RGL1: variants seen among roughly 807,000 people sequenced by gnomAD.
RGL1 encodes ral guanine nucleotide dissociation stimulator-like 1.
A neutral mutation model predicts 95.2 loss-of-function variants in RGL1; 24 were observed. That is an observed-to-expected ratio of 0.25 (90% confidence interval 0.18 to 0.35). The LOEUF (loss-of-function observed/expected upper bound fraction) is 0.35. RGL1 is among the 10% of genes least tolerant of loss of function. The pLI is 1.00. For synonymous variants in RGL1, 329 were observed against 344.9 expected (o/e 0.95, Z 0.51); for missense variants, 715 against 936.3 (o/e 0.76, Z 3.08).
At chr1:183,841,869 C>T (rs186558562) in intron 2 of RGL1, among the ~76,000 whole-genome samples, 3 of 152,258 alleles carry the variant, frequency 2.0e-5, no homozygotes, top group Admixed American at 1.3e-4. Context: ...AGTGCTCCAA[C>T]ATCCATGCTT....
chr1:183,897,759 A>G lies in RGL1; in HGVS notation c.1141-49A>G, dbSNP rs763290777. 14 of 1,393,322 alleles carry G rather than the reference A, an allele frequency of 1.0e-5. No homozygotes were observed. The South Asian group carries it at 1.2e-4, about 12-fold the overall frequency. The allele number at this position is 1,393,322 out of a possible 1,614,324, so 86.3% of individuals were successfully genotyped here. On this transcript the variant is annotated intron_variant, in intron 9 of 17. Coordinates refer to ENST00000360851, the MANE Select transcript of RGL1 (RefSeq NM_001297671.3). The stretch of plus-strand genomic sequence containing the variant: ...ACTAGATGCCTCTTTACTTCTTACC[A>G]TTGTGGCATCCTGTATCAATTCCCT...
rs58387012 is a variant in RGL1 at position 183,691,541 on chromosome 1, T to G, written c.-32-50585T>G. On this transcript the variant is annotated intron_variant, in intron 1 of 18. Transcript: ENST00000304685. ...GTTTATGTAATTGATAAGAGCCCAG[T>G]AATTGAGGAACAAAAAAGTTGTTAA... Among the ~76,000 whole-genome samples the G allele has an allele frequency of 5.0e-3, 759 of 152,314 alleles. 3 individuals are homozygous for G. Among genetic ancestry groups the G allele is most frequent in the African/African-American group, 0.011 (478 of 41,576 alleles).
intron 2 of RGL1, among the ~76,000 whole-genome samples, chr1:183,842,282 G>A (rs1334334130): frequency 2.6e-5 from 4 of 151,508 alleles, no homozygotes; most frequent in African/African-American, 7.3e-5. Flanking sequence ...TGCTTAACAC[G>A]TTCCCTGTTA....
chr1:183,746,593 C>T (rs1657644360), intron 2 of RGL1, among the ~76,000 whole-genome samples: 1 of 149,274 alleles, frequency 6.7e-6, no homozygotes, highest in African/African-American at 2.5e-5. Flanking sequence ...CCATGATGAA[C>T]AATGCTGATA....
chr1:183,909,071 C>T (rs1558288265), intron 14 of RGL1, among the ~76,000 whole-genome samples: 1 of 152,204 alleles, frequency 6.6e-6, no homozygotes, highest in Non-Finnish European at 1.5e-5. Flanking sequence ...GTACTCAGTA[C>T]ATCTCTTACT....
At chr1:183,836,548 G>T (rs527463464) in intron 2 of RGL1, among the ~76,000 whole-genome samples, 3 of 152,070 alleles carry the variant, frequency 2.0e-5, no homozygotes, top group Non-Finnish European at 4.4e-5. Context: ...GAATACAGGC[G>T]TGAGCCACTG....
chr1:183,797,051 C>T (rs556665714), intron 2 of RGL1, among the ~76,000 whole-genome samples: 6 of 152,224 alleles, frequency 3.9e-5, no homozygotes, highest in South Asian at 2.1e-4. Context: ...AACAATTGGC[C>T]GGGCACGGTG....
At position 183,880,719 on chromosome 1, in the gene RGL1, C is replaced by T. The variant is rs768803586; in HGVS notation, c.529C>T (p.Arg177Trp). The change falls in exon 5 of 18, where the codon CGG (arginine) becomes TGG (tryptophan). Residue 177 changes from arginine (R) to tryptophan (W), a missense_variant. By Grantham distance (101) the Arg-to-Trp change is moderately radical. Transcript: ENST00000360851. ...ACAGAAACTGCTGGATTATCTCACA[C>T]GGATGATGCCGGGCTCTGACCCAGA... ...CLQKLLDYLT[R>W]MMPGSDPERR... 18 of 1,613,808 alleles carry T rather than the reference C, an allele frequency of 1.1e-5. No homozygotes were observed. The highest frequency in any genetic ancestry group is 5.3e-5 in the African/African-American group (4 of 74,900).
intron 2 of RGL1, among the ~76,000 whole-genome samples, chr1:183,785,948 T>A (rs1201136428): frequency 6.7e-6 from 1 of 149,056 alleles, no homozygotes; most frequent in Non-Finnish European, 1.5e-5. Context: ...GATGGTGGTG[T>A]GTGCCTGTAG....
chr1:183,723,910 T>C (rs1656163473), intron 1 of RGL1, among the ~76,000 whole-genome samples: 1 of 152,046 alleles, frequency 6.6e-6, no homozygotes, highest in African/African-American at 2.4e-5. Flanking sequence ...TTCTTTCTGC[T>C]TGAAGAAAGG....
chr1:183,855,287 C>T (rs9425320), intron 3 of RGL1, among the ~76,000 whole-genome samples: 24,960 of 152,134 alleles, frequency 0.16, 2,346 homozygotes, highest in East Asian at 0.29. Flanking sequence ...CTTTTCCCCC[C>T]GGGAGCTGGT....
chr1:183,799,103 C>T (rs1300254369), intron 2 of RGL1, among the ~76,000 whole-genome samples: 1 of 151,440 alleles, frequency 6.6e-6, no homozygotes, highest in Non-Finnish European at 1.5e-5. Context: ...AGGGTTTCAC[C>T]GTGTTAGCCA....
intron 1 of RGL1, among the ~76,000 whole-genome samples, chr1:183,658,231 T>C (rs1034650490): frequency 3.3e-5 from 5 of 152,196 alleles, no homozygotes; most frequent in South Asian, 4.1e-4. Context: ...CAGTGCACCA[T>C]GCGCCAGCCG....
intron 4 of RGL1, among the ~76,000 whole-genome samples, chr1:183,879,238 AT>A (rs1666687840): frequency 1.3e-5 from 2 of 152,218 alleles, no homozygotes; most frequent in African/African-American, 2.4e-5. Flanking sequence ...ACAGTAACAC[AT>A]TTATTTTCTT....
chr1:183,832,015 C>T (rs1392050266), intron 2 of RGL1, among the ~76,000 whole-genome samples: 1 of 152,080 alleles, frequency 6.6e-6, no homozygotes, highest in African/African-American at 2.4e-5. Context: ...GCTTTAGTAG[C>T]TTGTTGGACT....
intron 1 of RGL1, among the ~76,000 whole-genome samples, chr1:183,695,005 G>GTT (rs1166629426): frequency 6.6e-6 from 1 of 152,226 alleles, no homozygotes; most frequent in Non-Finnish European, 1.5e-5. Context: ...GAAAAGCAAA[G>GTT]GAGTCCACAG....
intron 2 of RGL1, among the ~76,000 whole-genome samples, chr1:183,822,424 G>GAGTT (rs151094547): frequency 0.016 from 2,398 of 152,152 alleles, 66 homozygotes; most frequent in African/African-American, 0.055. Flanking sequence ...CAATATTTAG[G>GAGTT]AGTTATTGAA....
At chr1:183,665,453 G>A (rs998839757) in intron 1 of RGL1, among the ~76,000 whole-genome samples, 1 of 152,142 alleles carries the variant, frequency 6.6e-6, no homozygotes, top group African/African-American at 2.4e-5. Context: ...AGACATTATA[G>A]ATAATTGTGT....
chr1:183,682,853 T>C (rs1457153632), intron 1 of RGL1, among the ~76,000 whole-genome samples: 1 of 152,230 alleles, frequency 6.6e-6, no homozygotes, highest in Admixed American at 6.5e-5. Flanking sequence ...TAGGTGCTCT[T>C]GTATTGGGTG....
Sources: gnomAD v4.1 joint callset for allele counts (sites outside exome capture counted in the v4.1 genomes callset) on GRCh38, gnomAD v4.1.1 for gene constraint, MANE v1.5 for transcripts, NCBI Gene and HGNC (gene_info 2026-07-23, HGNC 2026-07-21) for gene names.